The following MIGA1 variants were observed in gnomAD, a reference collection of about 807,000 sequenced individuals.
MIGA1 encodes the protein family with sequence similarity 73, member A.
Under a neutral mutation model 82.0 loss-of-function variants are expected in MIGA1, and 58 were observed. The ratio of observed to expected loss-of-function variants is 0.71; its 90% CI spans 0.57 to 0.88. MIGA1 has a LOEUF of 0.88. Among genes scored for constraint, MIGA1 ranks in the 40% least tolerant of loss-of-function variants. MIGA1 has a pLI of 0.00. For synonymous variants in MIGA1, 249 were observed against 253.6 expected (o/e 0.98, Z 0.17); for missense variants, 751 against 749.1 (o/e 1.00, Z -0.03).
At chr1:77,867,033 A>T (rs1685697144) in intron 14 of MIGA1, among the ~76,000 whole-genome samples, 1 of 152,146 alleles carries the variant, frequency 6.6e-6, no homozygotes, top group South Asian at 2.1e-4. Context: ...TAATCCAATT[A>T]AGAAATAAAG....
chr1:77,849,509 A>G (rs1426189624), intron 8 of MIGA1, among the ~76,000 whole-genome samples: 1 of 152,232 alleles, frequency 6.6e-6, no homozygotes, highest in East Asian at 1.9e-4. Context: ...GATTTGAACA[A>G]TAGAAAATAC....
chr1:77,866,275 T>C, intron 13 of MIGA1, 63 bp from the exon 14 acceptor site: 2 of 1,492,408 alleles, frequency 1.3e-6, no homozygotes, highest in East Asian at 4.6e-5. Flanking sequence ...TTTGAATTTC[T>C]AATAAAAATG....
In MIGA1 at chr1:77,811,750, C is replaced by T. The variant is rs375949980; in HGVS notation, c.638-1984C>T. 326 of 1,607,938 alleles carry T rather than the reference C, an allele frequency of 2.0e-4. 1 individual carries two copies. In the African/African-American group the frequency reaches 3.6e-3, roughly 18 times the overall value. On this transcript the variant is annotated intron_variant, in intron 5 of 15. Coordinates refer to ENST00000370791, the MANE Select transcript of MIGA1 (RefSeq NM_198549.4). ...GCCTCTCCTAAAACTGGCGCCCCAGCGCTGCAGCAGACTCCGGGTCACCTC... is the reference window on the plus strand; with the variant it reads ...GCCTCTCCTAAAACTGGCGCCCCAGTGCTGCAGCAGACTCCGGGTCACCTC...
At chr1:77,787,929 C>G (rs1682242539) in intron 2 of MIGA1, among the ~76,000 whole-genome samples, 1 of 151,582 alleles carries the variant, frequency 6.6e-6, no homozygotes, top group Non-Finnish European at 1.5e-5. Context: ...AATTCTCCTG[C>G]CTCAGCCTCC....
intron 5 of MIGA1, among the ~76,000 whole-genome samples, chr1:77,807,887 C>T (rs931488481): frequency 2.0e-5 from 3 of 152,168 alleles, no homozygotes; most frequent in East Asian, 3.9e-4. Flanking sequence ...GGTGCAACAT[C>T]GGCTCACCGC....
intron 5 of MIGA1, 36 bp downstream of exon 5, chr1:77,807,137 C>G (rs763547498): frequency 6.7e-6 from 10 of 1,484,850 alleles, no homozygotes; most frequent in African/African-American, 1.4e-5. Context: ...AGATACTGTG[C>G]TCACATTTAA....
In MIGA1 at chr1:77,807,107, A is replaced by G. The variant is rs1234833732; in HGVS notation, c.637+6A>G. 1 of 1,564,802 alleles carries G rather than the reference A, an allele frequency of 6.4e-7. No individual in the cohort carries two copies. Among genetic ancestry groups the G allele is most frequent in the East Asian group, 2.3e-5 (1 of 44,442 alleles). On this transcript the variant is annotated splice_donor_region_variant and intron_variant, in intron 5 of 15. Transcript: ENST00000370791. ...AGAGAACTTATACTTAATGGGTAGG[A>G]ATGAGATGATAACATTTTAAGATAC...
intron 5 of MIGA1, among the ~76,000 whole-genome samples, chr1:77,813,418 A>T (rs780803003): frequency 1.3e-5 from 2 of 152,216 alleles, no homozygotes; most frequent in African/African-American, 2.4e-5. Context: ...GCTATAAAAA[A>T]TAGCTATTAC....
chr1:77,780,508 A>G (rs1191608185), intron 1 of MIGA1, among the ~76,000 whole-genome samples: 1 of 152,160 alleles, frequency 6.6e-6, no homozygotes, highest in Non-Finnish European at 1.5e-5. Flanking sequence ...CTTCACGTCA[A>G]TTTTCTTTTT....
chr1:77,814,002 C>T (rs142822621), intron 6 of MIGA1, 135 bp downstream of exon 6: 22 of 824,344 alleles, frequency 2.7e-5, no homozygotes, highest in East Asian at 1.3e-4. Flanking sequence ...GCGATCTTCC[C>T]GCCTTGTCCT....
intron 7 of MIGA1, among the ~76,000 whole-genome samples, chr1:77,841,772 C>CCT (rs940133770): frequency 6.7e-6 from 1 of 148,878 alleles, no homozygotes; most frequent in South Asian, 2.1e-4. Flanking sequence ...CCTTTCTCTC[C>CCT]CTCTCTCTCT....
In MIGA1 at chr1:77,858,957, T is replaced by G. The variant is rs764965208; in HGVS notation, c.1016T>G (p.Val339Gly). The stretch of plus-strand genomic sequence containing the variant: ...TCTTAGCTTGCAGAACACAGAGAAG[T>G]ACGGCATACCTACAGCCTGGAGTCC... Residue 339 changes from valine (V) to glycine (G), a missense_variant, in exon 9 of 16, where the codon GTA (valine) becomes GGA (glycine). Around this residue, in one of 3 missense-constraint regions of MIGA1, gnomAD observed 482 missense variants for 439.4 expected, o/e 1.10. Coordinates refer to ENST00000370791, the MANE Select transcript of MIGA1 (RefSeq NM_198549.4). The G allele has an allele frequency of 1.9e-6, 3 of 1,612,488 alleles. No homozygotes were observed. The highest frequency in any genetic ancestry group is 4.5e-5 in the East Asian group (2 of 44,878).
chr1:77,810,781 G>A, intron 5 of MIGA1: 4 of 1,450,938 alleles, frequency 2.8e-6, no homozygotes, highest in Non-Finnish European at 1.9e-6. Context: ...CCTGTTGAAG[G>A]GTGAATATGC....
chr1:77,829,676 G>A (rs1407678207), intron 7 of MIGA1, among the ~76,000 whole-genome samples: 1 of 151,978 alleles, frequency 6.6e-6, no homozygotes, highest in Non-Finnish European at 1.5e-5. Context: ...TCACCATGTT[G>A]GCCAGGCTGA....
intron 7 of MIGA1, among the ~76,000 whole-genome samples, chr1:77,827,826 A>C (rs1353035882): frequency 6.6e-6 from 1 of 152,192 alleles, no homozygotes; most frequent in Non-Finnish European, 1.5e-5. Flanking sequence ...GAAGGGAGCA[A>C]CTTAAAATGT....
chr1:77,838,348 A>ATTTATTAT (rs534113293), intron 7 of MIGA1, among the ~76,000 whole-genome samples: 1,851 of 149,316 alleles, frequency 0.012, 31 homozygotes, highest in African/African-American at 0.043. Flanking sequence ...TTATTTATTT[A>ATTTATTAT]TTATTTATTT....
chr1:77,788,974 T>C (rs1192080513), intron 2 of MIGA1, among the ~76,000 whole-genome samples: 2 of 152,194 alleles, frequency 1.3e-5, no homozygotes, highest in Non-Finnish European at 2.9e-5. Context: ...AGAGACTGCA[T>C]TGAATCTGTA....
chr1:77,811,545 G>A (rs1437289866), intron 5 of MIGA1: 4 of 1,605,540 alleles, frequency 2.5e-6, no homozygotes, highest in Non-Finnish European at 3.4e-6. Flanking sequence ...GAGACTGTGT[G>A]GACTGTAAAG....
rs1290263253 is a variant in MIGA1, at chr1:77,878,479, C to T, written c.*3415C>T. 1 of 147,318 alleles carries T rather than the reference C, an allele frequency of 6.8e-6. No homozygotes were observed. The highest frequency in any genetic ancestry group is 7.2e-5 in the Admixed American group (1 of 13,908). 9.1% of individuals were successfully genotyped at this position (147,318 alleles called of 1,614,324 possible). The stretch of plus-strand genomic sequence containing the variant: ...TTGGGTTAAATAGCAAAAGCAATGT[C>T]TTTAAAAATGATTAGTTTAGAGCCT... On this transcript the variant is annotated 3_prime_UTR_variant, in exon 16 of 16. Coordinates refer to ENST00000370791, the MANE Select transcript of MIGA1 (RefSeq NM_198549.4).
Sources: allele counts gnomAD v4.1 joint callset (sites outside exome capture counted in the v4.1 genomes callset), GRCh38; gene constraint gnomAD v4.1.1; regional missense constraint gnomAD v4.1.1; transcripts MANE v1.5; gene names NCBI Gene and HGNC (gene_info 2026-07-23, HGNC 2026-07-21).